The following CT45A1 variants were observed in gnomAD, a reference collection of about 807,000 sequenced individuals.
CT45A1 encodes cancer/testis antigen family 45 member A1.
intron 1 of CT45A1, among the ~76,000 whole-genome samples, chrX:135,717,711 A>G (rs1204821557): frequency 1.8e-5 from 2 of 111,686 alleles, no homozygotes; most frequent in Non-Finnish European, 3.8e-5. Flanking sequence ...ACTGTTTTTA[A>G]TGACATTTGA....
At chrX:135,714,835 G>GT (rs782184985) in intron 1 of CT45A1, among the ~76,000 whole-genome samples, 875 of 86,433 alleles carry the variant, frequency 0.01, 9 homozygotes, top group African/African-American at 0.027. Context: ...GCTATTTATT[G>GT]TTTTTTTTTT....
intron 1 of CT45A1, among the ~76,000 whole-genome samples, chrX:135,717,877 G>C (rs1411215809): frequency 8.9e-6 from 1 of 111,767 alleles, no homozygotes; most frequent in East Asian, 2.8e-4. Flanking sequence ...GTGAATGACA[G>C]TTTTATTTCT....
At chrX:135,711,468 T>G (rs1348988310), upstream of CT45A1, among the ~76,000 whole-genome samples, 1 of 111,108 alleles carries the variant, frequency 9.0e-6, no homozygotes, top group East Asian at 2.8e-4. Flanking sequence ...GGAGTCTCCC[T>G]TTGTCGCCCA....
chrX:135,716,742 T>A (rs1325384314), intron 1 of CT45A1, among the ~76,000 whole-genome samples: 1 of 111,702 alleles, frequency 9.0e-6, no homozygotes, highest in Non-Finnish European at 1.9e-5. Context: ...GCCTATACTA[T>A]AGTTGTGAAG....
At chrX:135,715,331 TATTATATATATATA>T (rs1329200963) in intron 1 of CT45A1, among the ~76,000 whole-genome samples, 1,150 of 64,361 alleles carry the variant, frequency 0.018, 35 homozygotes, top group Middle Eastern at 0.031. Context: ...AATACTTATA[TATTATATATATATA>T]ATACTTACAT....
At chrX:135,712,179 C>CTTTTTTTTTTTTTTT (rs782572662), upstream of CT45A1, among the ~76,000 whole-genome samples, 175 of 48,367 alleles carry the variant, frequency 3.6e-3, 5 homozygotes, top group Admixed American at 5.2e-3. Context: ...TTTTTTCTTT[C>CTTTTTTTTTTTTTTT]TTTTTTTTTT....
chrX:135,714,250 C>A (rs1437070769), intron 1 of CT45A1, among the ~76,000 whole-genome samples: 1 of 109,236 alleles, frequency 9.2e-6, no homozygotes, highest in African/African-American at 3.3e-5. Context: ...TTGGATGTCG[C>A]TCACTCTCAG....
chrX:135,713,216 GTT>G (rs144472727), upstream of CT45A1, among the ~76,000 whole-genome samples: 2 of 88,582 alleles, frequency 2.3e-5, no homozygotes, highest in Non-Finnish European at 4.5e-5. Context: ...TTTTGTGTGT[GTT>G]TTTTTTTTTT....
At chrX:135,709,976 A>G (rs1556569144), upstream of CT45A1, 1 of 112,408 alleles carries the variant, frequency 8.9e-6, no homozygotes, top group Admixed American at 9.4e-5. Flanking sequence ...TTTCTATGTT[A>G]GTTTTTAGTA....
chrX:135,708,807 T>C (rs782047108), upstream of CT45A1, among the ~76,000 whole-genome samples: 4 of 111,397 alleles, frequency 3.6e-5, no homozygotes, highest in South Asian at 1.5e-3. Flanking sequence ...GTGGGAATTA[T>C]TTCTCACATA....
At chrX:135,712,531 T>C (rs2087940750), upstream of CT45A1, among the ~76,000 whole-genome samples, 1 of 109,376 alleles carries the variant, frequency 9.1e-6, no homozygotes, top group African/African-American at 3.3e-5. Context: ...TTTATTTATT[T>C]ATTTATTTAT....
upstream of CT45A1, among the ~76,000 whole-genome samples, chrX:135,712,914 C>T (rs1452534985): frequency 9.8e-6 from 1 of 102,211 alleles, no homozygotes; most frequent in Admixed American, 1.1e-4. Context: ...TTCTTTCTTT[C>T]TTTCTTTTCT....
At chrX:135,713,259 G>C (rs188063012), upstream of CT45A1, among the ~76,000 whole-genome samples, 456 of 104,155 alleles carry the variant, frequency 4.4e-3, 3 homozygotes, top group African/African-American at 0.015. Context: ...TAGAGCCGGG[G>C]TCTCACTATG....
upstream of CT45A1, among the ~76,000 whole-genome samples, chrX:135,711,772 A>C (rs1165481069): frequency 1.2e-4 from 14 of 112,093 alleles, no homozygotes; most frequent in Non-Finnish European, 2.3e-4. Context: ...TGCTGCACTT[A>C]AAATAAGTTA....
At chrX:135,712,935 T>TTTTTTCTTTCTTTCTTTCTTTC (rs2087944102), upstream of CT45A1, among the ~76,000 whole-genome samples, 1 of 88,769 alleles carries the variant, frequency 1.1e-5, no homozygotes, top group Admixed American at 1.3e-4. Flanking sequence ...TTTCTTTTCT[T>TTTTTTCTTTCTTTCTTTCTTTC]TTTTTCTTTC....
intron 1 of CT45A1, among the ~76,000 whole-genome samples, chrX:135,716,335 A>G (rs2087988674): frequency 9.0e-6 from 1 of 111,691 alleles, no homozygotes; most frequent in Non-Finnish European, 1.9e-5. Flanking sequence ...CCCAATCATC[A>G]GAAATAAATT....
At chrX:135,713,079 C>T (rs1332591038), upstream of CT45A1, among the ~76,000 whole-genome samples, 3 of 93,195 alleles carry the variant, frequency 3.2e-5, no homozygotes, top group Non-Finnish European at 6.4e-5. Flanking sequence ...TCCTCTATGG[C>T]CAGGCTGGAG....
At chrX:135,717,128 T>A (rs1164600605) in intron 1 of CT45A1, among the ~76,000 whole-genome samples, 1 of 112,494 alleles carries the variant, frequency 8.9e-6, no homozygotes, top group Admixed American at 9.5e-5. Flanking sequence ...TTAATTTGCA[T>A]ATACTTAAAA....
upstream of CT45A1, among the ~76,000 whole-genome samples, chrX:135,711,742 T>C (rs1316457281): frequency 8.9e-6 from 1 of 112,344 alleles, no homozygotes; most frequent in East Asian, 2.7e-4. Context: ...TTTGCCACTA[T>C]GAACAATTCA....
Sources: gnomAD v4.1 joint callset for allele counts (sites outside exome capture counted in the v4.1 genomes callset) on GRCh38, gnomAD v4.1.1 for gene constraint, MANE v1.5 for transcripts, NCBI Gene and HGNC (gene_info 2026-07-23, HGNC 2026-07-21) for gene names.